Variants in DSCAM observed in about 807,000 individuals in gnomAD.
DSCAM encodes DS cell adhesion molecule.
DSCAM carries 47 observed loss-of-function variants against 217.7 expected under a neutral mutation model. The ratio of observed to expected loss-of-function variants is 0.22; its 90% CI spans 0.17 to 0.28. The LOEUF (loss-of-function observed/expected upper bound fraction) is 0.28. Among genes scored for constraint, DSCAM ranks in the 10% least tolerant of loss-of-function variants. DSCAM has a pLI of 1.00. For synonymous variants in DSCAM, 1,056 were observed against 1,015.3 expected, an observed-to-expected ratio of 1.04 and a Z score of -0.76; for missense variants, 2,080 against 2,618.3, an observed-to-expected ratio of 0.79 and a Z score of 4.49.
intron 3 of DSCAM, among the ~76,000 whole-genome samples, chr21:40,598,497 G>GTTTTTTTTT (rs71186947): frequency 1.5e-4 from 10 of 66,814 alleles, no homozygotes; most frequent in Non-Finnish European, 2.1e-4. Flanking sequence ...CTGCCAAACT[G>GTTTTTTTTT]TTTTTTTTTT....
chr21:40,152,126 A>C (rs1478387093), intron 16 of DSCAM, among the ~76,000 whole-genome samples: 13 of 57,378 alleles, frequency 2.3e-4, no homozygotes, highest in South Asian at 9.8e-4. Context: ...GAAAAAAAAA[A>C]ACACAAAAAA....
At chr21:40,374,854 C>T (rs2074934154) in intron 3 of DSCAM, among the ~76,000 whole-genome samples, 1 of 152,164 alleles carries the variant, frequency 6.6e-6, no homozygotes, top group South Asian at 2.1e-4. Context: ...ATACCTTGAT[C>T]TTGGACTTCC....
chr21:40,699,185 T>C (rs1018836335), intron 2 of DSCAM, among the ~76,000 whole-genome samples: 12 of 152,302 alleles, frequency 7.9e-5, no homozygotes, highest in African/African-American at 2.9e-4. Context: ...ATCTTTGATA[T>C]TACTATTGTA....
intron 8 of DSCAM, among the ~76,000 whole-genome samples, chr21:40,328,061 A>G (rs2074336938): frequency 6.6e-6 from 1 of 152,118 alleles, no homozygotes; most frequent in African/African-American, 2.4e-5. Context: ...TAAAATGCCC[A>G]TCTTACCTGA....
chr21:40,170,304 T>C (rs1465089973), intron 15 of DSCAM, among the ~76,000 whole-genome samples: 1 of 151,954 alleles, frequency 6.6e-6, no homozygotes, highest in Admixed American at 6.5e-5. Flanking sequence ...TTTGCATGTC[T>C]CTGGTCACCC....
At chr21:40,780,168 T>A (rs1181157954) in intron 1 of DSCAM, among the ~76,000 whole-genome samples, 1 of 152,138 alleles carries the variant, frequency 6.6e-6, no homozygotes, top group East Asian at 1.9e-4. Flanking sequence ...TAGCAGAATC[T>A]GGCCTTAAAT....
intron 4 of DSCAM, among the ~76,000 whole-genome samples, chr21:40,368,197 A>G (rs1054075784): frequency 1.4e-4 from 21 of 152,160 alleles, no homozygotes; most frequent in Non-Finnish European, 2.2e-4. Context: ...TTCTTTTCTG[A>G]ACATGCCATT....
chr21:40,135,409 T>C (rs2090196997), intron 18 of DSCAM, among the ~76,000 whole-genome samples: 1 of 152,220 alleles, frequency 6.6e-6, no homozygotes, highest in South Asian at 2.1e-4. Flanking sequence ...AGTTATTCAA[T>C]TACTTTTGCA....
intron 3 of DSCAM, among the ~76,000 whole-genome samples, chr21:40,563,615 T>C (rs996515375): frequency 4.1e-5 from 6 of 147,234 alleles, no homozygotes; most frequent in Middle Eastern, 3.6e-3. Context: ...TATGTTTACA[T>C]GTTTATATAT....
intron 11 of DSCAM, among the ~76,000 whole-genome samples, chr21:40,231,124 G>GTT (rs11367532): frequency 1.5e-4 from 21 of 137,652 alleles, no homozygotes; most frequent in East Asian, 6.4e-4. Flanking sequence ...TCTGGAAGAG[G>GTT]TTTTTTTTTT....
intron 9 of DSCAM, among the ~76,000 whole-genome samples, chr21:40,297,678 G>A (rs1029806786): frequency 6.6e-6 from 1 of 152,166 alleles, no homozygotes; most frequent in Non-Finnish European, 1.5e-5. Flanking sequence ...AAATAACAAA[G>A]GAGGAAGGGA....
rs1568933712 is a variant in DSCAM at position 40,087,297 on chromosome 21, C to T, written c.3851-10G>A. The T allele has an allele frequency of 6.2e-7, 1 of 1,604,350 alleles. No homozygotes were observed. Among genetic ancestry groups the T allele is most frequent in the Admixed American group, 1.7e-5 (1 of 60,012 alleles). On this transcript the variant is annotated splice_polypyrimidine_tract_variant and intron_variant, in intron 21 of 32. Coordinates refer to ENST00000400454, the MANE Select transcript of DSCAM (RefSeq NM_001389.5). ...AGGATTCGTGCAGGAGCTGAGGAAC[C>T]AAACAAAGTGGAATCCTGATTACTC...
At chr21:40,125,073 G>A (rs1308308970) in intron 19 of DSCAM, among the ~76,000 whole-genome samples, 1 of 152,142 alleles carries the variant, frequency 6.6e-6, no homozygotes, top group Non-Finnish European at 1.5e-5. Flanking sequence ...CCTCACCCTA[G>A]TCATTTTGTA....
chr21:40,336,319 T>C (rs2123580033), intron 8 of DSCAM, among the ~76,000 whole-genome samples: 1 of 152,330 alleles, frequency 6.6e-6, no homozygotes, highest in Admixed American at 6.5e-5. Flanking sequence ...ACTCCTACAA[T>C]TACAATTGAT....
At chr21:40,523,306 G>A (rs1489856906) in intron 3 of DSCAM, among the ~76,000 whole-genome samples, 1 of 152,112 alleles carries the variant, frequency 6.6e-6, no homozygotes, top group Non-Finnish European at 1.5e-5. Context: ...ACCCTGGCCT[G>A]CCATGCCCCC....
At chr21:40,028,898 A>G (rs911283747) in intron 32 of DSCAM, among the ~76,000 whole-genome samples, 12 of 152,026 alleles carry the variant, frequency 7.9e-5, no homozygotes, top group Non-Finnish European at 1.8e-4. Flanking sequence ...TTCAACAGAT[A>G]AAGGGGTGCT....
intron 10 of DSCAM, among the ~76,000 whole-genome samples, chr21:40,279,470 A>C (rs1207852393): frequency 6.6e-6 from 1 of 152,234 alleles, no homozygotes; most frequent in Admixed American, 6.5e-5. Flanking sequence ...AAAAGTCAGG[A>C]AACAACAGAT....
intron 28 of DSCAM, among the ~76,000 whole-genome samples, chr21:40,059,520 C>A (rs1441990610): frequency 6.6e-6 from 1 of 152,130 alleles, no homozygotes; most frequent in South Asian, 2.1e-4. Flanking sequence ...CCCTGGGGAC[C>A]TAGACTGAGT....
At chr21:40,385,120 CAATG>C (rs2075070031) in intron 3 of DSCAM, 1 of 152,134 alleles carries the variant, frequency 6.6e-6, no homozygotes. Flanking sequence ...ATAGCTGTGA[CAATG>C]AACTTCACAT....
Sources: gnomAD v4.1 joint callset for allele counts (sites outside exome capture counted in the v4.1 genomes callset) on GRCh38, gnomAD v4.1.1 for gene constraint, MANE v1.5 for transcripts, NCBI Gene and HGNC (gene_info 2026-07-23, HGNC 2026-07-21) for gene names.